The following DRC11 variants were observed in gnomAD, a reference collection of about 807,000 sequenced individuals.
DRC11 encodes IQ and AAA domain-containing protein 1.
chr2:236,320,199 C>A, the DRC11 span, among the ~76,000 whole-genome samples: 7 of 152,206 alleles, frequency 4.6e-5, no homozygotes, highest in East Asian at 1.3e-3. Flanking sequence ...GACCAAGGTC[C>A]TTTTGGTTTC....
At chr2:236,401,715 C>T in the DRC11 span, among the ~76,000 whole-genome samples, 4 of 150,028 alleles carry the variant, frequency 2.7e-5, no homozygotes, top group Non-Finnish European at 5.9e-5. This position sits in a 1 kb window ranked among gnomAD's most constrained non-coding sequence, Gnocchi z 4.6. Context: ...AACAGATAAA[C>T]TCAGGGACAG....
the DRC11 span, among the ~76,000 whole-genome samples, chr2:236,489,329 C>T: frequency 7.4e-6 from 1 of 135,764 alleles, no homozygotes; most frequent in Non-Finnish European, 1.6e-5. Flanking sequence ...GCTCTGGGTG[C>T]ATGCTGGGGC....
At chr2:236,358,396 A>ATG in the DRC11 span, among the ~76,000 whole-genome samples, 1 of 141,068 alleles carries the variant, frequency 7.1e-6, no homozygotes, top group Non-Finnish European at 1.5e-5. Context: ...ATATATGAAT[A>ATG]TCATATATAA....
the DRC11 span, among the ~76,000 whole-genome samples, chr2:236,320,498 G>A: frequency 6.6e-6 from 1 of 152,112 alleles, no homozygotes; most frequent in Admixed American, 6.5e-5. Context: ...TCAGCATCAG[G>A]GCCTTTCAAT....
At chr2:236,441,974 G>A in the DRC11 span, among the ~76,000 whole-genome samples, 4 of 152,032 alleles carry the variant, frequency 2.6e-5, no homozygotes, top group Non-Finnish European at 5.9e-5. Context: ...AGTGTTTCAC[G>A]CCTATAATCC....
chr2:236,498,119 C>T, the DRC11 span, among the ~76,000 whole-genome samples: 1 of 152,080 alleles, frequency 6.6e-6, no homozygotes, highest in South Asian at 2.1e-4. Flanking sequence ...AAGGCAACCA[C>T]TAAGAATCTT....
At chr2:236,353,593 A>G in the DRC11 span, among the ~76,000 whole-genome samples, 1 of 152,160 alleles carries the variant, frequency 6.6e-6, no homozygotes, top group Admixed American at 6.5e-5. This position sits in a 1 kb window ranked among gnomAD's most constrained non-coding sequence, Gnocchi z 5.0. Context: ...AACTGCAGGA[A>G]AAAAAACAGC....
chr2:236,466,192 C>G, the DRC11 span, among the ~76,000 whole-genome samples: 6 of 151,380 alleles, frequency 4.0e-5, no homozygotes, highest in Non-Finnish European at 8.8e-5. Flanking sequence ...TTTTAATCTT[C>G]TACTGGTTAT....
the DRC11 span, among the ~76,000 whole-genome samples, chr2:236,498,192 G>A: frequency 6.6e-6 from 1 of 151,968 alleles, no homozygotes; most frequent in African/African-American, 2.4e-5. Context: ...TGCAGGCCAG[G>A]CGTGGTGGCT....
At chr2:236,378,187 A>AGTAT in the DRC11 span, among the ~76,000 whole-genome samples, 1 of 152,220 alleles carries the variant, frequency 6.6e-6, no homozygotes, top group South Asian at 2.1e-4. Flanking sequence ...CATTTAAAGT[A>AGTAT]GTATGCCCTC....
At chr2:236,408,981 G>T in the DRC11 span, 1 of 709,530 alleles carries the variant, frequency 1.4e-6, no homozygotes, top group African/African-American at 1.8e-5. This position sits in a 1 kb window ranked among gnomAD's most constrained non-coding sequence, Gnocchi z 5.5. Context: ...GTCATCCTTA[G>T]GGCAGCTCTT....
the DRC11 span, among the ~76,000 whole-genome samples, chr2:236,354,320 TGTGTGA>T: frequency 1.2e-5 from 1 of 81,134 alleles, no homozygotes; most frequent in Non-Finnish European, 2.7e-5. Flanking sequence ...TGTGTGCATG[TGTGTGA>T]GTGTATTAGT....
chr2:236,385,362 G>A, the DRC11 span, among the ~76,000 whole-genome samples: 2 of 141,638 alleles, frequency 1.4e-5, no homozygotes, highest in South Asian at 2.4e-4. Context: ...AGTTCTCCTT[G>A]AAGAGGTCCT....
At chr2:236,367,985 C>A in the DRC11 span, 2 of 592,696 alleles carry the variant, frequency 3.4e-6, no homozygotes, top group African/African-American at 3.7e-5. This position sits in a 1 kb window ranked among gnomAD's most constrained non-coding sequence, Gnocchi z 4.8. Flanking sequence ...TAAGCAGGCA[C>A]GCAGAGAGGG....
chr2:236,499,405 A>T, the DRC11 span, among the ~76,000 whole-genome samples: 1 of 151,680 alleles, frequency 6.6e-6, no homozygotes, highest in Admixed American at 6.6e-5. The surrounding 1 kb of genome is among the most constrained non-coding windows in gnomAD (Gnocchi z 4.7). Flanking sequence ...ATTCCCTCTC[A>T]TCCATGCCTG....
the DRC11 span, among the ~76,000 whole-genome samples, chr2:236,337,445 G>A: frequency 2.0e-5 from 3 of 152,156 alleles, no homozygotes; most frequent in Non-Finnish European, 4.4e-5. This position sits in a 1 kb window ranked among gnomAD's most constrained non-coding sequence, Gnocchi z 4.9. Flanking sequence ...GCCACATGGG[G>A]CCAGGTGCTC....
At chr2:236,505,186 T>C in the DRC11 span, among the ~76,000 whole-genome samples, 2 of 152,224 alleles carry the variant, frequency 1.3e-5, no homozygotes, top group Non-Finnish European at 2.9e-5. Context: ...GAAGACTGAA[T>C]ATGACAGTTA....
the DRC11 span, among the ~76,000 whole-genome samples, chr2:236,492,499 G>A: frequency 1.3e-5 from 2 of 152,180 alleles, no homozygotes; most frequent in Non-Finnish European, 2.9e-5. Context: ...CCCAATGAGG[G>A]CTATTTGTAG....
chr2:236,340,739 A>G, the DRC11 span, among the ~76,000 whole-genome samples: 4 of 152,198 alleles, frequency 2.6e-5, no homozygotes, highest in Admixed American at 6.5e-5. Flanking sequence ...CTGAGGCAGG[A>G]GATGACACTG....
Sources: gnomAD v4.1 joint callset for allele counts (sites outside exome capture counted in the v4.1 genomes callset) on GRCh38, gnomAD v4.1.1 for gene constraint, Gnocchi (gnomAD v3.1) non-coding constraint, MANE v1.5 for transcripts, NCBI Gene and HGNC (gene_info 2026-07-23, HGNC 2026-07-21) for gene names.